Variants in RYR2 observed in about 807,000 individuals in gnomAD.
RYR2 encodes cardiac muscle ryanodine receptor-calcium release channel.
In RYR2, 227 loss-of-function variants were observed where a neutral mutation model predicts 601.1. The observed-to-expected ratio is 0.38, with a 90% CI of 0.34 to 0.42. The LOEUF (loss-of-function observed/expected upper bound fraction) is 0.42. Ranked by LOEUF, RYR2 falls within the 10% of genes least tolerant of loss-of-function variation. The probability of loss-of-function intolerance (pLI) is 1.00; values close to 1 mark genes in which losing one functional copy is unlikely to be tolerated. For synonymous variants in RYR2, 2,223 were observed against 2,175.1 expected (o/e 1.02, Z -0.61); for missense variants, 4,646 against 6,156.5 (o/e 0.75, Z 8.21).
intron 95 of RYR2, among the ~76,000 whole-genome samples, chr1:237,794,327 C>T (rs139060852): frequency 6.6e-6 from 1 of 151,390 alleles, no homozygotes; most frequent in Non-Finnish European, 1.5e-5. Flanking sequence ...CATCCAAAAG[C>T]AGAGGCAAAA....
intron 1 of RYR2, among the ~76,000 whole-genome samples, chr1:237,241,097 C>T (rs1201885015): frequency 6.6e-6 from 1 of 152,174 alleles, no homozygotes; most frequent in East Asian, 1.9e-4. Flanking sequence ...GAAATGCAGG[C>T]TGCTAAGCAC....
At chr1:237,687,609 T>C (rs1358623262) in intron 63 of RYR2, 105 bp downstream of exon 63, 2 of 853,726 alleles carry the variant, frequency 2.3e-6, no homozygotes, top group African/African-American at 3.3e-5. Context: ...CATGTTTGCA[T>C]GGCTGCATGC....
At chr1:237,299,770 C>G (rs1693172886) in intron 2 of RYR2, among the ~76,000 whole-genome samples, 1 of 152,166 alleles carries the variant, frequency 6.6e-6, no homozygotes, top group South Asian at 2.1e-4. Context: ...ACATGTGGTG[C>G]TGTTATACTC....
In RYR2 at chr1:237,173,867, T is replaced by C. The variant is rs1327135115; in HGVS notation, c.49-96630T>C. 3.9e-5 allele frequency among the ~76,000 whole-genome samples: 6 copies of C among 152,096 alleles called. No homozygotes were observed. The South Asian group carries it at 6.2e-4, about 16-fold the overall frequency. ...GTCAGGAGATCGAGACCATCCTGGC[T>C]AACATGGTGAAGCCCCGTCTCTACT... is the stretch of plus-strand genomic sequence containing the variant. On this transcript the variant is annotated intron_variant, in intron 1 of 104. Coordinates refer to ENST00000366574, the MANE Select transcript of RYR2 (RefSeq NM_001035.3).
chr1:237,795,834 G>GTATATATATATA (rs1319664228), intron 96 of RYR2, among the ~76,000 whole-genome samples: 2 of 39,206 alleles, frequency 5.1e-5, no homozygotes, highest in Admixed American at 6.1e-4. Flanking sequence ...ATGTGTGTGT[G>GTATATATATATA]TGTATATATA....
At chr1:237,161,126 T>C (rs1241121202) in intron 1 of RYR2, among the ~76,000 whole-genome samples, 1 of 152,124 alleles carries the variant, frequency 6.6e-6, no homozygotes, top group African/African-American at 2.4e-5. Context: ...TGCATGCAAA[T>C]ATTATGGGTA....
intron 1 of RYR2, among the ~76,000 whole-genome samples, chr1:237,149,959 A>G (rs1338321489): frequency 6.6e-6 from 1 of 152,188 alleles, no homozygotes; most frequent in East Asian, 1.9e-4. Context: ...GTGTTATAAG[A>G]TGAGTTTGAA....
chr1:237,756,570 T>C (rs531826498), intron 81 of RYR2, among the ~76,000 whole-genome samples, 183 bp downstream of exon 81: 1 of 152,324 alleles, frequency 6.6e-6, no homozygotes, highest in East Asian at 1.9e-4. Flanking sequence ...TGTTAATTTT[T>C]TTTTTCAGAG....
chr1:237,632,013 A>G (rs370533812), intron 42 of RYR2, among the ~76,000 whole-genome samples: 1 of 152,098 alleles, frequency 6.6e-6, no homozygotes, highest in African/African-American at 2.4e-5. Flanking sequence ...AAAAAAACAC[A>G]CAAACCTTAG....
intron 29 of RYR2, among the ~76,000 whole-genome samples, chr1:237,573,137 G>A (rs1672867146): frequency 6.6e-6 from 1 of 151,658 alleles, no homozygotes; most frequent in Non-Finnish European, 1.5e-5. Context: ...TCTTCTTATT[G>A]CTACAGAGAA....
rs1060503850 is a variant in RYR2 at position 237,614,045 on chromosome 1, T to C, written c.4917T>C (p.Val1639=). The change falls in exon 37 of 105, where the codon GTT becomes GTC. Residue 1639 remains valine, a synonymous_variant. Coordinates refer to ENST00000366574, the MANE Select transcript of RYR2 (RefSeq NM_001035.3). This position sits in a 1 kb window ranked among gnomAD's most constrained non-coding sequence, Gnocchi z 4.3. The part of the protein sequence containing the change: ...SLHIPEENRS[V]DILELTEQEE... ...ACTCTCCTCCCTTCTACAGATCTGTTGACATCTTAGAGTTGACAGAGCAGG... is the reference window on the plus strand; with the variant it reads ...ACTCTCCTCCCTTCTACAGATCTGTCGACATCTTAGAGTTGACAGAGCAGG... The C allele has an allele frequency of 1.9e-6, 3 of 1,611,870 alleles. No individual in the cohort carries two copies. The Admixed American group carries it at 5.0e-5, about 27-fold the overall frequency.
At chr1:237,380,099 G>T (rs1701332292) in intron 8 of RYR2, among the ~76,000 whole-genome samples, 1 of 151,784 alleles carries the variant, frequency 6.6e-6, no homozygotes, top group Non-Finnish European at 1.5e-5. Flanking sequence ...ATTCCTATGG[G>T]TATAGAGATG....
chr1:237,235,332 C>G (rs139687804), intron 1 of RYR2, among the ~76,000 whole-genome samples: 139 of 152,290 alleles, frequency 9.1e-4, no homozygotes, highest in Middle Eastern at 3.4e-3. Context: ...TCTAGCCTCT[C>G]GAGAGCAGCC....
intron 27 of RYR2, among the ~76,000 whole-genome samples, chr1:237,564,404 G>A (rs1351400139): frequency 6.6e-6 from 1 of 151,930 alleles, no homozygotes; most frequent in Non-Finnish European, 1.5e-5. Flanking sequence ...CAAGTAGCTG[G>A]GATTACAGGC....
chr1:237,238,067 A>T (rs72764084), intron 1 of RYR2, among the ~76,000 whole-genome samples: 40,917 of 150,440 alleles, frequency 0.27, 6,438 homozygotes, highest in Admixed American at 0.38. Context: ...TGATCCTCCC[A>T]TCTCAGCCTC....
intron 86 of RYR2, among the ~76,000 whole-genome samples, chr1:237,773,298 C>T (rs1208737018): frequency 6.6e-6 from 1 of 152,100 alleles, no homozygotes; most frequent in African/African-American, 2.4e-5. Flanking sequence ...AAGTTTTCTT[C>T]TTCTTGTCTT....
rs878854160 is a variant in RYR2, at chr1:237,625,772, A to G, written c.6134A>G (p.Glu2045Gly). The G allele has an allele frequency of 1.9e-6, 3 of 1,613,840 alleles. No homozygotes were observed. The highest frequency in any genetic ancestry group is 2.5e-6 in the Non-Finnish European group (3 of 1,179,826). ...KVTYLKKKQA[E>G]KPVESDSKKS... ...ACATATCTGAAGAAGAAGCAAGCAG[A>G]AAAACCAGTTGAGAGTGACTCCAAA... The change falls in exon 40 of 105, where the codon GAA becomes GGA. Residue 2045 changes from glutamate to glycine, a missense_variant. By Grantham distance (98) the Glu-to-Gly change is moderately conservative. Coordinates refer to ENST00000366574, the MANE Select transcript of RYR2 (RefSeq NM_001035.3).
At chr1:237,730,476 G>T in intron 77 of RYR2, 120 bp downstream of exon 77, 1 of 523,482 alleles carries the variant, frequency 1.9e-6, no homozygotes, top group Non-Finnish European at 3.4e-6. Context: ...ATGGGTATTA[G>T]GAAACTTTTA....
Position 237,832,686 on chromosome 1 carries a change from C to G in RYR2, c.*39C>G. The G allele has an allele frequency of 9.3e-7, 1 of 1,073,830 alleles. No individual in the cohort carries two copies. Among genetic ancestry groups the G allele is most frequent in the Non-Finnish European group, 1.4e-6 (1 of 706,590 alleles). The allele number at this position is 1,073,830 out of a possible 1,614,324, so 66.5% of individuals were successfully genotyped here. Reference sequence around the variant, plus strand: ...CACCTCTAAAAACCAAAACCCTACCCCTCTCTCTCCCTCTCTCAATTTCTC... The same window carrying G: ...CACCTCTAAAAACCAAAACCCTACCGCTCTCTCTCCCTCTCTCAATTTCTC... On this transcript the variant is annotated 3_prime_UTR_variant, in exon 105 of 105. Transcript: ENST00000366574.
Sources: allele counts gnomAD v4.1 joint callset (sites outside exome capture counted in the v4.1 genomes callset), GRCh38; gene constraint gnomAD v4.1.1; non-coding constraint Gnocchi (gnomAD v3.1); transcripts MANE v1.5; gene names NCBI Gene and HGNC (gene_info 2026-07-23, HGNC 2026-07-21).